The following BICD1 variants were observed in gnomAD, a reference collection of about 807,000 sequenced individuals.
BICD1 encodes BICD cargo adaptor 1.
Under a neutral mutation model 92.5 loss-of-function variants are expected in BICD1, and 35 were observed. That is an observed-to-expected ratio of 0.38 (90% CI 0.29 to 0.50). BICD1 has a LOEUF of 0.50. Ranked by LOEUF, BICD1 falls within the 20% of genes least tolerant of loss-of-function variation. The pLI, the probability that BICD1 is intolerant of heterozygous loss-of-function variation, is 0.93. For synonymous variants in BICD1, 429 were observed against 465.1 expected (o/e 0.92, Z 1.00); for missense variants, 950 against 1,189.8 (o/e 0.80, Z 2.97).
chr12:32,177,066 G>A (rs1367514548), intron 1 of BICD1, among the ~76,000 whole-genome samples: 1 of 151,772 alleles, frequency 6.6e-6, no homozygotes, highest in African/African-American at 2.4e-5. Context: ...TGTAATCCCA[G>A]CACTTTGGGA....
intron 9 of BICD1, among the ~76,000 whole-genome samples, chr12:32,375,237 T>C (rs1470819252): frequency 2.0e-5 from 3 of 151,920 alleles, no homozygotes; most frequent in African/African-American, 7.2e-5. Context: ...ATTTTCCAAT[T>C]TATAAATGAG....
chr12:32,187,767 G>T (rs1944459995), intron 1 of BICD1, among the ~76,000 whole-genome samples: 1 of 152,124 alleles, frequency 6.6e-6, no homozygotes, highest in Non-Finnish European at 1.5e-5. Flanking sequence ...CTACCTATTG[G>T]GTACTATGTT....
chr12:32,173,375 T>A (rs918524594), intron 1 of BICD1, among the ~76,000 whole-genome samples: 1 of 152,130 alleles, frequency 6.6e-6, no homozygotes, highest in Non-Finnish European at 1.5e-5. Context: ...TTGACCACCA[T>A]CCCTTGTCCG....
At chr12:32,225,357 C>T (rs1480911403) in intron 2 of BICD1, among the ~76,000 whole-genome samples, 3 of 152,136 alleles carry the variant, frequency 2.0e-5, no homozygotes, top group African/African-American at 7.2e-5. Context: ...AATCAGTTCA[C>T]CTACTGAAGA....
At chr12:32,116,500 C>CTATATATA (rs1565525044) in intron 1 of BICD1, among the ~76,000 whole-genome samples, 36 of 73,508 alleles carry the variant, frequency 4.9e-4, no homozygotes, top group Middle Eastern at 6.7e-3. Flanking sequence ...CTTTCTCTCT[C>CTATATATA]TCTCTCTCTC....
At chr12:32,128,190 C>T (rs912256647) in intron 1 of BICD1, among the ~76,000 whole-genome samples, 1 of 152,220 alleles carries the variant, frequency 6.6e-6, no homozygotes, top group Non-Finnish European at 1.5e-5. Flanking sequence ...AGGCGTGAGC[C>T]ACCGCACCCG....
At chr12:32,242,252 G>T (rs1565612421) in intron 2 of BICD1, among the ~76,000 whole-genome samples, 3 of 139,822 alleles carry the variant, frequency 2.1e-5, no homozygotes, top group African/African-American at 5.4e-5. Context: ...AAGGCCATAT[G>T]CAGTGGCTCA....
intron 3 of BICD1, among the ~76,000 whole-genome samples, chr12:32,297,566 G>A (rs1033067110): frequency 6.6e-6 from 1 of 152,158 alleles, no homozygotes; most frequent in Non-Finnish European, 1.5e-5. Context: ...AGATGACAAT[G>A]AGTAGCATTC....
intron 2 of BICD1, among the ~76,000 whole-genome samples, chr12:32,258,889 AG>A (rs1345125244): frequency 6.6e-6 from 1 of 152,210 alleles, no homozygotes; most frequent in African/African-American, 2.4e-5. Context: ...ACAGCACCAC[AG>A]GGAGGGGTTT....
intron 1 of BICD1, 39 bp downstream of exon 1, chr12:32,107,583 T>G (rs1565518212): frequency 5.8e-6 from 9 of 1,538,582 alleles, no homozygotes; most frequent in Non-Finnish European, 7.9e-6. Flanking sequence ...TGGCCCTCAC[T>G]CCCCCCACCC....
chr12:32,325,525 C>T (rs166373), intron 4 of BICD1, among the ~76,000 whole-genome samples: 125,161 of 152,066 alleles, frequency 0.82, 51,684 homozygotes, highest in East Asian at 0.87. Flanking sequence ...TTACCCATAT[C>T]AGAACCTCGC....
At chr12:32,279,030 G>A (rs912612157) in intron 2 of BICD1, among the ~76,000 whole-genome samples, 1 of 152,134 alleles carries the variant, frequency 6.6e-6, no homozygotes, top group South Asian at 2.1e-4. Context: ...AATAGATTTT[G>A]TGCTGCAGCA....
chr12:32,369,973 T>C (rs1258849752), intron 9 of BICD1, among the ~76,000 whole-genome samples: 1 of 152,200 alleles, frequency 6.6e-6, no homozygotes, highest in African/African-American at 2.4e-5. Flanking sequence ...CAGTTTCCAA[T>C]TGGTGTGTGT....
chr12:32,116,508 C>CTATATATA (rs772917101), intron 1 of BICD1, among the ~76,000 whole-genome samples: 210 of 94,170 alleles, frequency 2.2e-3, no homozygotes, highest in East Asian at 0.014. Context: ...CTCTCTCTCT[C>CTATATATA]TCTATATATA....
Position 32,107,392 on chromosome 12 carries a change from A to G in BICD1, c.61A>G (p.Thr21Ala), listed in dbSNP as rs1941518533. Residue 21 changes from threonine (T) to alanine (A), a missense_variant, in exon 1 of 10, where the codon ACC becomes GCC. Physicochemically the swap from Thr to Ala is moderately conservative, Grantham distance 58. Transcript: ENST00000652176. ...DHYKTEIERL[T>A]KELTETTHEK... ...TTATAAGACTGAGATAGAGAGGCTA[A>G]CCAAGGAGCTCACGGAGACCACCCA... is the stretch of plus-strand genomic sequence containing the variant. The G allele has an allele frequency of 1.2e-6, 2 of 1,611,796 alleles. No homozygotes were observed. Among genetic ancestry groups the G allele is most frequent in the Non-Finnish European group, 1.7e-6 (2 of 1,179,288 alleles).
Position 32,338,831 on chromosome 12 carries a change from AG to A in BICD1, c.2620del (p.Ala874LeufsTer8). On this transcript the variant is annotated frameshift_variant, in exon 8 of 10. Transcript: ENST00000652176. LOFTEE classifies it high-confidence loss of function. ...GTGATCAGAGCCGTCCCAGGACTTC[AG>A]GGGCTTCCTACCTACAGAATTTATT... ...LCDQSRPRTS[G>X]ASYLQNLLRV... 1.2e-6 allele frequency: 2 copies of A among 1,605,534 alleles called. No individual in the cohort carries two copies. Among genetic ancestry groups the A allele is most frequent in the Non-Finnish European group, 1.7e-6 (2 of 1,176,468 alleles).
chr12:32,329,200 G>A (rs918577191), intron 5 of BICD1, among the ~76,000 whole-genome samples: 2 of 152,150 alleles, frequency 1.3e-5, no homozygotes, highest in Non-Finnish European at 2.9e-5. Context: ...CGCCTCCTGG[G>A]TTCAAGCGAT....
At chr12:32,256,656 G>C (rs1457431145) in intron 2 of BICD1, among the ~76,000 whole-genome samples, 1 of 152,192 alleles carries the variant, frequency 6.6e-6, no homozygotes, top group Non-Finnish European at 1.5e-5. Flanking sequence ...TGAAGATAAA[G>C]TTGTTTTGTA....
intron 2 of BICD1, among the ~76,000 whole-genome samples, chr12:32,231,194 G>A (rs1028037327): frequency 2.0e-5 from 3 of 152,060 alleles, no homozygotes; most frequent in East Asian, 1.9e-4. Flanking sequence ...AAATTAAAGC[G>A]TATTTAGGCT....
Sources: gnomAD v4.1 joint callset for allele counts (sites outside exome capture counted in the v4.1 genomes callset) on GRCh38, gnomAD v4.1.1 for gene constraint, MANE v1.5 for transcripts, NCBI Gene and HGNC (gene_info 2026-07-23, HGNC 2026-07-21) for gene names.